C12orf54: variants seen among roughly 807,000 people sequenced by gnomAD.
C12orf54 encodes uncharacterized protein C12orf54.
C12orf54 carries 24 observed loss-of-function variants against 26.4 expected under a neutral mutation model. That is an observed-to-expected ratio of 0.91 (90% CI 0.66 to 1.28). The LOEUF is 1.28. Among genes scored for constraint, C12orf54 ranks in the 50% most tolerant of loss-of-function variants. The pLI, the probability that C12orf54 is intolerant of heterozygous loss-of-function variation, is 0.00. For missense variants in C12orf54, 154 were observed against 150.9 expected (o/e 1.02, Z -0.11); for synonymous variants, 54 against 47.0 (o/e 1.15, Z -0.61).
intron 2 of C12orf54, among the ~76,000 whole-genome samples, chr12:48,484,103 G>A (rs1470897932): frequency 6.6e-6 from 1 of 152,228 alleles, no homozygotes; most frequent in African/African-American, 2.4e-5. Flanking sequence ...GCTGAGGCAG[G>A]AGAATCGCTT....
the C12orf54 span, among the ~76,000 whole-genome samples, chr12:48,445,607 C>A: frequency 6.6e-6 from 1 of 152,152 alleles, no homozygotes; most frequent in African/African-American, 2.4e-5. Context: ...TTCCAGGTTT[C>A]TGGCATAATG....
chr12:48,465,945 A>G, the C12orf54 span, among the ~76,000 whole-genome samples: 17 of 152,330 alleles, frequency 1.1e-4, no homozygotes, highest in African/African-American at 4.1e-4. Context: ...AAAATGAATA[A>G]TAGAACTAAA....
At chr12:48,490,786 C>A in intron 5 of C12orf54, 26 bp from the exon 6 acceptor site, 1 of 1,613,256 alleles carries the variant, frequency 6.2e-7, no homozygotes, top group South Asian at 1.1e-5. Context: ...CCCATCATCT[C>A]TGACTGTATT....
chr12:48,423,543 A>G, the C12orf54 span, among the ~76,000 whole-genome samples: 31 of 152,222 alleles, frequency 2.0e-4, no homozygotes, highest in Non-Finnish European at 4.0e-4. Flanking sequence ...CATAAAATCA[A>G]GCATTTAATT....
At chr12:48,479,815 C>T (rs571010131), upstream of C12orf54, among the ~76,000 whole-genome samples, 24 of 152,102 alleles carry the variant, frequency 1.6e-4, no homozygotes, top group East Asian at 5.8e-4. Flanking sequence ...GCCCCTCAGA[C>T]GAGCCAAACT....
chr12:48,448,881 T>C, the C12orf54 span, among the ~76,000 whole-genome samples: 1 of 152,262 alleles, frequency 6.6e-6, no homozygotes, highest in South Asian at 2.1e-4. Context: ...GGTGGTCAGG[T>C]GCAGCTTGGT....
chr12:48,420,092 C>T, the C12orf54 span, among the ~76,000 whole-genome samples: 14 of 146,532 alleles, frequency 9.6e-5, no homozygotes, highest in Non-Finnish European at 1.8e-4. Context: ...TTTTTTTTTT[C>T]ACTACTTTCT....
At chr12:48,469,676 T>C in the C12orf54 span, among the ~76,000 whole-genome samples, 2 of 152,172 alleles carry the variant, frequency 1.3e-5, no homozygotes, top group Non-Finnish European at 2.9e-5. Flanking sequence ...GTGATAAGTG[T>C]CCATGAAATC....
chr12:48,459,346 A>G, the C12orf54 span, among the ~76,000 whole-genome samples: 133 of 152,258 alleles, frequency 8.7e-4, no homozygotes, highest in African/African-American at 3.1e-3. Context: ...CTAAATATCT[A>G]GTTTGGGCCA....
chr12:48,415,396 C>G, the C12orf54 span, among the ~76,000 whole-genome samples: 1 of 152,180 alleles, frequency 6.6e-6, no homozygotes, highest in African/African-American at 2.4e-5. Context: ...CTAGCTGAAA[C>G]TTCTCTCATC....
At chr12:48,414,820 T>A in the C12orf54 span, among the ~76,000 whole-genome samples, 9 of 152,178 alleles carry the variant, frequency 5.9e-5, no homozygotes, top group Admixed American at 5.9e-4. Flanking sequence ...TGCTAACCCT[T>A]CTGCTAGCCA....
the C12orf54 span, among the ~76,000 whole-genome samples, chr12:48,446,590 A>G: frequency 6.6e-6 from 1 of 152,224 alleles, no homozygotes; most frequent in Non-Finnish European, 1.5e-5. Flanking sequence ...CTCAGCATGA[A>G]GCAAACACTA....
intron 1 of C12orf54, among the ~76,000 whole-genome samples, chr12:48,482,801 G>T (rs914345357): frequency 9.2e-5 from 14 of 152,088 alleles, no homozygotes; most frequent in African/African-American, 3.4e-4. Flanking sequence ...TTCTGACTGA[G>T]GTGGGAGGGG....
the C12orf54 span, among the ~76,000 whole-genome samples, chr12:48,424,945 G>A: frequency 1.2e-4 from 18 of 152,090 alleles, no homozygotes; most frequent in Non-Finnish European, 2.2e-4. Context: ...CTGTTGCAAT[G>A]GAAATGTTCT....
chr12:48,476,886 C>T, the C12orf54 span, among the ~76,000 whole-genome samples: 1 of 152,106 alleles, frequency 6.6e-6, no homozygotes, highest in African/African-American at 2.4e-5. Context: ...CAGCTCTGCA[C>T]CAAGCGGACC....
At chr12:48,474,614 G>C in the C12orf54 span, among the ~76,000 whole-genome samples, 3 of 152,242 alleles carry the variant, frequency 2.0e-5, no homozygotes, top group Admixed American at 2.0e-4. Flanking sequence ...GGCTCGGAGG[G>C]TCCTACGCCC....
At chr12:48,465,292 G>A in the C12orf54 span, among the ~76,000 whole-genome samples, 1 of 151,928 alleles carries the variant, frequency 6.6e-6, no homozygotes, top group African/African-American at 2.4e-5. Context: ...CATACATGCA[G>A]CCAAGAATTA....
At chr12:48,447,069 C>T in the C12orf54 span, among the ~76,000 whole-genome samples, 1 of 152,152 alleles carries the variant, frequency 6.6e-6, no homozygotes, top group Non-Finnish European at 1.5e-5. Context: ...ACTACTGGCA[C>T]AGAATTCTAA....
the C12orf54 span, among the ~76,000 whole-genome samples, chr12:48,471,138 C>T: frequency 2.6e-5 from 4 of 152,004 alleles, no homozygotes; most frequent in African/African-American, 9.7e-5. Flanking sequence ...CCCAGCCCCT[C>T]CTCCATGAGT....
Sources: gnomAD v4.1 joint callset for allele counts (sites outside exome capture counted in the v4.1 genomes callset) on GRCh38, gnomAD v4.1.1 for gene constraint, MANE v1.5 for transcripts, NCBI Gene and HGNC (gene_info 2026-07-23, HGNC 2026-07-21) for gene names.